PLXNA4: variants seen among roughly 807,000 people sequenced by gnomAD.
PLXNA4 encodes the protein plexin-A4.
Under a neutral mutation model 191.8 loss-of-function variants are expected in PLXNA4, and 44 were observed. That is an observed-to-expected ratio of 0.23 (90% CI 0.18 to 0.29). The LOEUF (loss-of-function observed/expected upper bound fraction) is 0.29, where lower values mean the gene tolerates loss of function less well. PLXNA4 is among the 10% of genes least tolerant of loss of function. PLXNA4 has a pLI of 1.00. For synonymous variants in PLXNA4, 1,082 were observed against 1,009.5 expected (o/e 1.07, Z -1.36); for missense variants, 1,800 against 2,488.8 (o/e 0.72, Z 5.89).
chr7:132,516,448 A>T (rs1798946056), intron 1 of PLXNA4, among the ~76,000 whole-genome samples: 1 of 152,154 alleles, frequency 6.6e-6, no homozygotes, highest in Admixed American at 6.5e-5. Flanking sequence ...CAGCAAAGGA[A>T]ATCAGTATGG....
chr7:132,533,572 A>G (rs1376268394), intron 1 of PLXNA4, among the ~76,000 whole-genome samples: 1 of 151,996 alleles, frequency 6.6e-6, no homozygotes, highest in East Asian at 1.9e-4. Context: ...CAAGAAAACC[A>G]TTTTTCTCTA....
chr7:132,322,615 G>C (rs1802216392), intron 3 of PLXNA4, among the ~76,000 whole-genome samples: 1 of 152,146 alleles, frequency 6.6e-6, no homozygotes, highest in Non-Finnish European at 1.5e-5. Flanking sequence ...AACCTCTCAG[G>C]ACCATTCTCT....
At chr7:132,177,954 G>A (rs952122439) in intron 20 of PLXNA4, among the ~76,000 whole-genome samples, 1 of 152,080 alleles carries the variant, frequency 6.6e-6, no homozygotes, top group Admixed American at 6.5e-5. Context: ...GTATGGGGCC[G>A]GATTTACTCC....
chr7:132,213,653 G>T (rs1436592751), intron 9 of PLXNA4, among the ~76,000 whole-genome samples: 3 of 152,176 alleles, frequency 2.0e-5, no homozygotes, highest in African/African-American at 7.2e-5. Context: ...AACTGGGGCG[G>T]GAGGAGAGTG....
In PLXNA4 at chr7:132,600,621, C is replaced by A. The variant is rs560722188; in HGVS notation, c.-87+45307G>T. Among the ~76,000 whole-genome samples, 10 of 152,296 alleles carry A rather than the reference C, an allele frequency of 6.6e-5. No homozygotes were observed. In the South Asian group the frequency reaches 2.1e-3, roughly 32 times the overall value. On this transcript the variant is annotated intron_variant, in intron 2 of 4. Transcript: ENST00000378539. ...CTCAAGGGATCCCTGGATCCCCTGG[C>A]CTCAGCCTCCCAAAGTGCTGGGATT...
chr7:132,482,212 C>T (rs940499503), intron 3 of PLXNA4, among the ~76,000 whole-genome samples: 7 of 152,156 alleles, frequency 4.6e-5, no homozygotes. Flanking sequence ...GCTTCTAAGA[C>T]ATAATACAGC....
At chr7:132,393,644 C>T (rs1412791630) in intron 3 of PLXNA4, among the ~76,000 whole-genome samples, 1 of 152,212 alleles carries the variant, frequency 6.6e-6, no homozygotes, top group Non-Finnish European at 1.5e-5. Flanking sequence ...ATAGTCCCGG[C>T]TCTCTAGAAA....
intron 4 of PLXNA4, among the ~76,000 whole-genome samples, chr7:132,265,805 A>T (rs892113366): frequency 1.3e-5 from 2 of 152,160 alleles, no homozygotes; most frequent in African/African-American, 2.4e-5. Flanking sequence ...CTGAGCAGTC[A>T]TCTAGAAGCC....
At chr7:132,222,238 G>A (rs182020194) in intron 9 of PLXNA4, among the ~76,000 whole-genome samples, 41 of 152,328 alleles carry the variant, frequency 2.7e-4, no homozygotes, top group African/African-American at 5.5e-4. Context: ...GATTTGGGCC[G>A]GGATTTTCTG....
chr7:132,647,790 A>G (rs1048605255), intron 1 of PLXNA4, among the ~76,000 whole-genome samples: 3 of 151,806 alleles, frequency 2.0e-5, no homozygotes, highest in African/African-American at 7.3e-5. Flanking sequence ...ATACACACAT[A>G]TACACACACA....
At chr7:132,418,001 T>C (rs957990933) in intron 3 of PLXNA4, among the ~76,000 whole-genome samples, 43 of 152,186 alleles carry the variant, frequency 2.8e-4, no homozygotes, top group African/African-American at 8.2e-4. Flanking sequence ...ATTCCTCCTG[T>C]GGAAGACTTT....
intron 1 of PLXNA4, among the ~76,000 whole-genome samples, chr7:132,561,291 C>T (rs1238686753): frequency 2.0e-5 from 3 of 151,568 alleles, no homozygotes; most frequent in Non-Finnish European, 1.5e-5. Context: ...CCTCCTCCTC[C>T]TCCTTCTCCT....
chr7:132,561,327 T>TTCCTCCTCTTCCTCC lies in PLXNA4; in HGVS notation c.-87+15080_-87+15094dup, dbSNP rs1479984760. 4.5e-5 allele frequency among the ~76,000 whole-genome samples: 4 copies of TTCCTCCTCTTCCTCC among 88,728 alleles called. No individual in the cohort carries two copies. The South Asian group carries it at 1.7e-3, about 37-fold the overall frequency. The allele number at this position is 88,728 out of a possible 152,430, so 58.2% of individuals were successfully genotyped here. On this transcript the variant is annotated intron_variant, in intron 1 of 31. Coordinates refer to ENST00000321063, the MANE Select transcript of PLXNA4 (RefSeq NM_020911.2). ...CCTCTTTCTCCTTCTTCTCCTCCTC[T>TTCCTCCTCTTCCTCC]TCCTCCTCTTCCTCCTCCTCCTCTT...
At chr7:132,623,176 A>G (rs1001339124) in intron 2 of PLXNA4, among the ~76,000 whole-genome samples, 59 of 151,836 alleles carry the variant, frequency 3.9e-4, no homozygotes, top group African/African-American at 1.4e-3. Flanking sequence ...CCTGTCTCTA[A>G]TTTTTGTAAA....
intron 1 of PLXNA4, among the ~76,000 whole-genome samples, chr7:132,539,673 C>A (rs886356160): frequency 2.6e-5 from 4 of 152,204 alleles, no homozygotes; most frequent in Admixed American, 2.6e-4. Context: ...GATGATGGAA[C>A]CTATTTCACA....
At chr7:132,369,382 G>C (rs1804330207) in intron 3 of PLXNA4, among the ~76,000 whole-genome samples, 1 of 152,182 alleles carries the variant, frequency 6.6e-6, no homozygotes, top group Admixed American at 6.5e-5. Context: ...GGAGGTGAGG[G>C]GAGGAGTCCC....
intron 4 of PLXNA4, among the ~76,000 whole-genome samples, chr7:132,249,703 T>C (rs527530220): frequency 3.4e-4 from 52 of 152,336 alleles, no homozygotes; most frequent in Non-Finnish European, 3.5e-4. Context: ...TGAAATGAAG[T>C]TGGGGGCTGG....
chr7:132,301,942 C>CATTGAA (rs1801323169), intron 3 of PLXNA4, among the ~76,000 whole-genome samples: 1 of 152,186 alleles, frequency 6.6e-6, no homozygotes, highest in Non-Finnish European at 1.5e-5. Context: ...CTGTGCCTTG[C>CATTGAA]CCCAAGTTCA....
At chr7:132,563,045 CTTT>C (rs1801367138) in intron 1 of PLXNA4, among the ~76,000 whole-genome samples, 1 of 105,194 alleles carries the variant, frequency 9.5e-6, no homozygotes, top group Non-Finnish European at 2.0e-5. Context: ...TCCTTCTCTT[CTTT>C]CTCTGCCTCC....
Sources: allele counts gnomAD v4.1 joint callset (sites outside exome capture counted in the v4.1 genomes callset), GRCh38; gene constraint gnomAD v4.1.1; transcripts MANE v1.5; gene names NCBI Gene and HGNC (gene_info 2026-07-23, HGNC 2026-07-21).